RAB12: variants seen among roughly 807,000 people sequenced by gnomAD.
RAB12 encodes the protein ras-related protein Rab-12.
A neutral mutation model predicts 28.4 loss-of-function variants in RAB12; 11 were observed. The observed-to-expected ratio is 0.39, with a 90% CI of 0.24 to 0.64. The LOEUF (loss-of-function observed/expected upper bound fraction) is 0.64. RAB12 is among the 30% of genes least tolerant of loss of function. RAB12 has a pLI of 0.50. For synonymous variants in RAB12, 138 were observed against 145.3 expected, an observed-to-expected ratio of 0.95 and a Z score of 0.36; for missense variants, 276 against 351.1, an observed-to-expected ratio of 0.79 and a Z score of 1.71.
At chr18:8,619,702 C>G (rs2096008667) in intron 1 of RAB12, among the ~76,000 whole-genome samples, 1 of 152,146 alleles carries the variant, frequency 6.6e-6, no homozygotes, top group African/African-American at 2.4e-5. Context: ...ATTACCCTGT[C>G]CTCTCTCTGC....
intron 1 of RAB12, among the ~76,000 whole-genome samples, chr18:8,612,506 T>C (rs2096004397): frequency 1.3e-5 from 2 of 152,174 alleles, no homozygotes; most frequent in South Asian, 4.1e-4. Flanking sequence ...CTCCCTACCC[T>C]GTCAGGGCTG....
chr18:8,614,711 A>G (rs572719562), intron 1 of RAB12, among the ~76,000 whole-genome samples: 1 of 152,118 alleles, frequency 6.6e-6, no homozygotes, highest in Admixed American at 6.5e-5. Context: ...TCAGCCTCCC[A>G]AGTAACTGGG....
At chr18:8,635,975 A>C (rs765653745) in intron 4 of RAB12, among the ~76,000 whole-genome samples, 19 of 152,256 alleles carry the variant, frequency 1.2e-4, no homozygotes, top group Non-Finnish European at 2.2e-4. Flanking sequence ...GATGCTATTC[A>C]CATTTAAATG....
intron 1 of RAB12, among the ~76,000 whole-genome samples, chr18:8,619,382 C>CA (rs940831329): frequency 6.6e-6 from 1 of 152,100 alleles, no homozygotes; most frequent in African/African-American, 2.4e-5. Context: ...TATGGCCCAG[C>CA]AAAAAGAAAC....
chr18:8,636,188 C>T, intron 4 of RAB12, 65 bp from the exon 5 acceptor site: 5 of 1,032,396 alleles, frequency 4.8e-6, no homozygotes, highest in Non-Finnish European at 7.6e-6. Flanking sequence ...AGCCCAGAGA[C>T]CTCATGCTCG....
At position 8,633,329 on chromosome 18, in the gene RAB12, T is replaced by G; in HGVS notation, c.714+2T>G. 1.2e-6 allele frequency: 2 copies of G among 1,613,678 alleles called. No individual in the cohort carries two copies. Among genetic ancestry groups the G allele is most frequent in the Non-Finnish European group, 1.7e-6 (2 of 1,179,866 alleles). On this transcript the variant is annotated splice_donor_variant, in intron 3 of 5. Coordinates refer to ENST00000649141, the MANE Select transcript of RAB12 (RefSeq NM_001025300.3). LOFTEE classifies it high-confidence loss of function. ...AAATGGATGAAGATGATTGATAAGG[T>G]AAATGTTGCATTTTTCTGTCCAATG...
intron 2 of RAB12, among the ~76,000 whole-genome samples, chr18:8,628,033 C>T (rs2096013833): frequency 6.6e-6 from 1 of 152,066 alleles, no homozygotes; most frequent in Non-Finnish European, 1.5e-5. Flanking sequence ...ATAGAAAAAT[C>T]AGAATAAGGT....
chr18:8,635,965 G>A (rs547512729), intron 4 of RAB12, among the ~76,000 whole-genome samples: 2 of 152,306 alleles, frequency 1.3e-5, no homozygotes, highest in East Asian at 1.9e-4. Context: ...ATGGAGAAAC[G>A]ATGCTATTCA....
rs77242592 is a variant in RAB12, at chr18:8,617,452, GT to G, written c.515-7473del. ...GTTAATAATCCACTGTTTGATCATGGTTTTTTTTTTTTTAATCTCTTCCCTT... is the reference window on the plus strand; with the variant it reads ...GTTAATAATCCACTGTTTGATCATGGTTTTTTTTTTTTAATCTCTTCCCTT... On this transcript the variant is annotated intron_variant, in intron 1 of 5. Transcript: ENST00000649141. Among the ~76,000 whole-genome samples the G allele has an allele frequency of 4.1e-3, 591 of 143,572 alleles. 2 individuals carry two copies. Among genetic ancestry groups the G allele is most frequent in the African/African-American group, 0.011 (432 of 39,400 alleles). The allele number at this position is 143,572 out of a possible 152,430, so 94.2% of individuals were successfully genotyped here. A position where few individuals can be genotyped will look rare whatever the true frequency, so the allele number is the denominator to read the frequency against.
chr18:8,635,650 C>T (rs748497585), intron 4 of RAB12, 28 bp downstream of exon 4: 3 of 1,477,372 alleles, frequency 2.0e-6, no homozygotes, highest in South Asian at 2.4e-5. Flanking sequence ...GCACGGTTGC[C>T]ACACACTGTG....
At chr18:8,632,384 G>A (rs989936338) in intron 2 of RAB12, among the ~76,000 whole-genome samples, 3 of 152,202 alleles carry the variant, frequency 2.0e-5, no homozygotes, top group Admixed American at 1.3e-4. Flanking sequence ...GGCTGTGCAC[G>A]GATGTCAGTG....
intron 1 of RAB12, among the ~76,000 whole-genome samples, chr18:8,619,790 G>T (rs1056028303): frequency 2.0e-5 from 3 of 152,118 alleles, no homozygotes; most frequent in Admixed American, 6.5e-5. Context: ...TGGATATGTT[G>T]GGTATTAGAC....
intron 1 of RAB12, among the ~76,000 whole-genome samples, chr18:8,611,834 T>A (rs2096003993): frequency 6.6e-6 from 1 of 152,204 alleles, no homozygotes; most frequent in Non-Finnish European, 1.5e-5. Flanking sequence ...TGAGTGTGGT[T>A]GAATTTCTGT....
chr18:8,615,606 G>A (rs554205396), intron 1 of RAB12, among the ~76,000 whole-genome samples: 22 of 152,322 alleles, frequency 1.4e-4, no homozygotes, highest in Non-Finnish European at 2.6e-4. Flanking sequence ...AGGGATGTGA[G>A]CGTGAGAGGA....
rs770963507 is a variant in RAB12 at position 8,609,973 on chromosome 18, C to T, written c.514+20C>T. 5.0e-6 allele frequency: 8 copies of T among 1,593,704 alleles called. No homozygotes were observed. Among genetic ancestry groups the T allele is most frequent in the African/African-American group, 4.1e-5 (3 of 73,846 alleles). On this transcript the variant is annotated intron_variant, in intron 1 of 5. Transcript: ENST00000649141. ...CCGTGGGTAAGGGCGCCACGGCGAC[C>T]CTGGGCCGGGCCTCCTGGCGCCCGG...
intron 1 of RAB12, among the ~76,000 whole-genome samples, chr18:8,612,174 G>C (rs2096004210): frequency 6.6e-6 from 1 of 152,258 alleles, no homozygotes; most frequent in Non-Finnish European, 1.5e-5. Flanking sequence ...GTGACCGCTT[G>C]TCAGGGCAGT....
rs2096020500 is a variant in RAB12 at position 8,638,890 on chromosome 18, T to C, written c.*628T>C. On this transcript the variant is annotated 3_prime_UTR_variant, in exon 6 of 6. Coordinates refer to ENST00000649141, the MANE Select transcript of RAB12 (RefSeq NM_001025300.3). The stretch of plus-strand genomic sequence containing the variant: ...AAGGCCACAGAATCTCTCTCATGGC[T>C]TCCTAAGGGATGTACCTTTATGCTT... 6.6e-6 allele frequency: 1 copy of C among 152,288 alleles called. No individual in the cohort carries two copies. Among genetic ancestry groups the C allele is most frequent in the African/African-American group, 2.4e-5 (1 of 41,450 alleles). The allele number at this position is 152,288 out of a possible 1,614,324, so 9.4% of individuals were successfully genotyped here. A position where few individuals can be genotyped will look rare whatever the true frequency, so the allele number is the denominator to read the frequency against.
chr18:8,634,228 C>A (rs1344370684), intron 3 of RAB12, among the ~76,000 whole-genome samples: 5 of 89,826 alleles, frequency 5.6e-5, no homozygotes, highest in Non-Finnish European at 1.1e-4. Context: ...TCACTTGAAC[C>A]CAGGAGGTCG....
intron 2 of RAB12, among the ~76,000 whole-genome samples, chr18:8,627,710 T>TA (rs1448928056): frequency 6.6e-6 from 1 of 152,218 alleles, no homozygotes; most frequent in African/African-American, 2.4e-5. Flanking sequence ...ATTTGCCTCT[T>TA]ACCTTTAGGC....
Sources: gnomAD v4.1 joint callset for allele counts (sites outside exome capture counted in the v4.1 genomes callset) on GRCh38, gnomAD v4.1.1 for gene constraint, MANE v1.5 for transcripts, NCBI Gene and HGNC (gene_info 2026-07-23, HGNC 2026-07-21) for gene names.